Variants in ST6GALNAC3 observed in about 807,000 individuals in gnomAD.
ST6GALNAC3 encodes alpha-N-acetylgalactosaminide alpha-2,6-sialyltransferase 3.
In ST6GALNAC3, 25 loss-of-function variants were observed where a neutral mutation model predicts 32.7. That is an observed-to-expected ratio of 0.76 (90% CI 0.56 to 1.07). The LOEUF (loss-of-function observed/expected upper bound fraction) is 1.07, where lower values mean the gene tolerates loss of function less well. Ranked by LOEUF, ST6GALNAC3 falls within the 50% of genes least tolerant of loss-of-function variation. The pLI, the probability that ST6GALNAC3 is intolerant of heterozygous loss-of-function variation, is 0.00. For synonymous variants in ST6GALNAC3, 129 were observed against 133.1 expected, an observed-to-expected ratio of 0.97 and a Z score of 0.21; for missense variants, 355 against 382.4, an observed-to-expected ratio of 0.93 and a Z score of 0.60.
chr1:76,591,201 C>G (rs533463962), intron 3 of ST6GALNAC3, among the ~76,000 whole-genome samples: 8 of 150,954 alleles, frequency 5.3e-5, no homozygotes, highest in Non-Finnish European at 1.0e-4. Context: ...GTGTGTGTGT[C>G]TCTGTGTGTA....
intron 1 of ST6GALNAC3, among the ~76,000 whole-genome samples, chr1:76,170,162 T>C (rs1020814841): frequency 2.0e-5 from 3 of 152,210 alleles, no homozygotes; most frequent in Non-Finnish European, 4.4e-5. Flanking sequence ...GGGACTTCTA[T>C]TGGGCCCCAG....
rs775831567 is a variant in ST6GALNAC3, at chr1:76,599,539, C to T, written c.624-27913C>T. ...ACTCCCCCTTATGAGTGAGAACATG[C>T]GGTGTTTGGTTTTCTGTTCCTGTGA... is the stretch of plus-strand genomic sequence containing the variant. On this transcript the variant is annotated intron_variant, in intron 3 of 4. Transcript: ENST00000328299. Among the ~76,000 whole-genome samples the T allele has an allele frequency of 2.0e-5, 3 of 151,414 alleles. No homozygotes were observed. In the East Asian group the frequency reaches 5.8e-4, roughly 29 times the overall value.
intron 3 of ST6GALNAC3, among the ~76,000 whole-genome samples, chr1:76,489,176 C>T (rs770352279): frequency 2.0e-5 from 3 of 152,112 alleles, no homozygotes; most frequent in Non-Finnish European, 4.4e-5. Flanking sequence ...CCATTGCAAA[C>T]ATTGCTTATC....
chr1:76,407,223 G>T (rs572013160), intron 2 of ST6GALNAC3, among the ~76,000 whole-genome samples: 1 of 151,978 alleles, frequency 6.6e-6, no homozygotes, highest in Admixed American at 6.6e-5. Context: ...ACAGCTTAGC[G>T]CTGTGTGCTG....
At chr1:76,117,495 A>G (rs766696056) in intron 1 of ST6GALNAC3, among the ~76,000 whole-genome samples, 2 of 152,258 alleles carry the variant, frequency 1.3e-5, no homozygotes. Context: ...TGCAAACAGC[A>G]ATATTATTAG....
At chr1:76,142,616 C>A (rs2100287613) in intron 1 of ST6GALNAC3, among the ~76,000 whole-genome samples, 1 of 152,298 alleles carries the variant, frequency 6.6e-6, no homozygotes, top group Non-Finnish European at 1.5e-5. Flanking sequence ...AGACAGTCAT[C>A]TTTGACATCA....
intron 3 of ST6GALNAC3, among the ~76,000 whole-genome samples, chr1:76,481,608 T>C (rs1308032502): frequency 6.6e-6 from 1 of 152,194 alleles, no homozygotes; most frequent in Non-Finnish European, 1.5e-5. Context: ...AAATGTGCAA[T>C]GTACAGAATT....
At chr1:76,453,258 T>C (rs1364091741) in intron 3 of ST6GALNAC3, among the ~76,000 whole-genome samples, 1 of 152,168 alleles carries the variant, frequency 6.6e-6, no homozygotes, top group East Asian at 1.9e-4. Context: ...TTTTGTATTT[T>C]TTTTGTTTCA....
At chr1:76,412,503 A>C in intron 3 of ST6GALNAC3, 86 bp downstream of exon 3, 1 of 1,348,684 alleles carries the variant, frequency 7.4e-7, no homozygotes. Context: ...ATATAAAATG[A>C]ACAGTTATTT....
At chr1:76,173,242 T>C (rs1205564668) in intron 1 of ST6GALNAC3, among the ~76,000 whole-genome samples, 1 of 152,092 alleles carries the variant, frequency 6.6e-6, no homozygotes, top group East Asian at 1.9e-4. Context: ...GGAAAGAATC[T>C]CCTATTCAGT....
chr1:76,239,112 A>G (rs946881746), intron 1 of ST6GALNAC3, among the ~76,000 whole-genome samples: 2 of 151,952 alleles, frequency 1.3e-5, no homozygotes, highest in Non-Finnish European at 1.5e-5. Context: ...GTCCTGGGGG[A>G]GCCTCTTGTC....
intron 1 of ST6GALNAC3, among the ~76,000 whole-genome samples, chr1:76,222,861 G>T (rs1323659145): frequency 6.6e-6 from 1 of 151,962 alleles, no homozygotes; most frequent in Non-Finnish European, 1.5e-5. Context: ...ATACCATCTT[G>T]TACCAGTCAC....
rs556330441 is a variant in ST6GALNAC3 at position 76,629,004 on chromosome 1, G to A, written c.*198G>A. The A allele has an allele frequency of 2.2e-6, 3 of 1,384,752 alleles. No homozygotes were observed. The highest frequency in any genetic ancestry group is 1.7e-5 in the South Asian group (1 of 58,754). 85.8% of individuals were successfully genotyped at this position (1,384,752 alleles called of 1,614,324 possible). A position where few individuals can be genotyped will look rare whatever the true frequency, so the allele number is the denominator to read the frequency against. ...TTTCATGGAGGATGGTTGTGCTCAT[G>A]ATGTTCTTTCTGGAGGTTCAACACT... On this transcript the variant is annotated 3_prime_UTR_variant, in exon 5 of 5. Transcript: ENST00000328299.
chr1:76,391,572 C>CT (rs1652561846), intron 2 of ST6GALNAC3, among the ~76,000 whole-genome samples: 1 of 132,868 alleles, frequency 7.5e-6, no homozygotes, highest in African/African-American at 2.8e-5. Flanking sequence ...TCCTTCCTTC[C>CT]TCCCACTTCC....
chr1:76,280,218 G>A (rs1659421047), intron 1 of ST6GALNAC3, among the ~76,000 whole-genome samples: 1 of 152,096 alleles, frequency 6.6e-6, no homozygotes, highest in African/African-American at 2.4e-5. Context: ...GTGGAAAGAT[G>A]GAGACAGTTT....
chr1:76,576,965 A>G (rs748122310), intron 3 of ST6GALNAC3: 191 of 1,287,476 alleles, frequency 1.5e-4, no homozygotes, highest in Non-Finnish European at 1.9e-4. Context: ...AAACAAACAA[A>G]CAAAACTAAG....
rs572373513 is a variant in ST6GALNAC3, at chr1:76,393,335, C to G, written c.214-18673C>G. Among the ~76,000 whole-genome samples, 42 of 152,188 alleles carry G rather than the reference C, an allele frequency of 2.8e-4. No homozygotes were observed. The Middle Eastern group carries it at 0.014, about 49-fold the overall frequency. On this transcript the variant is annotated intron_variant, in intron 2 of 4. Transcript: ENST00000328299. ...AAAGTCTTCAGAAAAGATCATGATTCTTATGGAAGGTTATTTCTGTGGGGC... is the reference window on the plus strand; with the variant it reads ...AAAGTCTTCAGAAAAGATCATGATTGTTATGGAAGGTTATTTCTGTGGGGC...
chr1:76,497,937 A>G (rs927087507), intron 3 of ST6GALNAC3, among the ~76,000 whole-genome samples: 3 of 152,136 alleles, frequency 2.0e-5, no homozygotes, highest in African/African-American at 7.2e-5. Flanking sequence ...GGAGGGCCTC[A>G]TCTGAAAAGG....
intron 3 of ST6GALNAC3, among the ~76,000 whole-genome samples, chr1:76,588,065 C>T (rs1490013059): frequency 6.6e-6 from 1 of 152,146 alleles, no homozygotes; most frequent in Non-Finnish European, 1.5e-5. Flanking sequence ...TTACCGGCAG[C>T]CAGTCTGCTC....
Sources: allele counts gnomAD v4.1 joint callset (sites outside exome capture counted in the v4.1 genomes callset), GRCh38; gene constraint gnomAD v4.1.1; transcripts MANE v1.5; gene names NCBI Gene and HGNC (gene_info 2026-07-23, HGNC 2026-07-21).